ZMAT4: variants seen among roughly 807,000 people sequenced by gnomAD.
ZMAT4 encodes the protein zinc finger matrin-type protein 4.
In ZMAT4, 17 loss-of-function variants were observed where a neutral mutation model predicts 28.7. The ratio of observed to expected loss-of-function variants is 0.59; its 90% CI spans 0.41 to 0.89. The LOEUF is 0.89. ZMAT4 is among the 40% of genes least tolerant of loss of function. The probability of loss-of-function intolerance (pLI) is 0.00; values close to 1 mark genes in which losing one functional copy is unlikely to be tolerated. For missense variants in ZMAT4, 240 were observed against 283.8 expected, an observed-to-expected ratio of 0.85 and a Z score of 1.11; for synonymous variants, 117 against 109.2, an observed-to-expected ratio of 1.07 and a Z score of -0.44.
At chr8:40,679,199 A>G (rs1481208164) in intron 4 of ZMAT4, among the ~76,000 whole-genome samples, 1 of 152,210 alleles carries the variant, frequency 6.6e-6, no homozygotes, top group African/African-American at 2.4e-5. Flanking sequence ...GTCAAGGAGT[A>G]TGTTATCAGC....
At chr8:40,727,707 T>C (rs997328002) in intron 3 of ZMAT4, among the ~76,000 whole-genome samples, 12 of 152,208 alleles carry the variant, frequency 7.9e-5, no homozygotes, top group Non-Finnish European at 1.5e-5. Context: ...GTATAAAGTA[T>C]AGAACTTTTA....
At chr8:40,532,293 C>T in intron 6 of ZMAT4, 55 bp from the exon 7 acceptor site, 1 of 1,524,996 alleles carries the variant, frequency 6.6e-7, no homozygotes, top group Non-Finnish European at 8.9e-7. Flanking sequence ...CAAATTCCAA[C>T]ACCTCTTTCT....
intron 3 of ZMAT4, among the ~76,000 whole-genome samples, chr8:40,744,632 T>G (rs898312367): frequency 6.6e-6 from 1 of 152,130 alleles, no homozygotes; most frequent in African/African-American, 2.4e-5. Flanking sequence ...TCCTCCCCAT[T>G]GAATGATTAA....
chr8:40,870,071 A>G (rs183569591), intron 1 of ZMAT4, among the ~76,000 whole-genome samples: 3 of 152,334 alleles, frequency 2.0e-5, no homozygotes, highest in African/African-American at 7.2e-5. Context: ...CAGACACAGG[A>G]GTAGCTCTGA....
At chr8:40,637,639 A>G (rs1806846990) in intron 5 of ZMAT4, among the ~76,000 whole-genome samples, 1 of 152,324 alleles carries the variant, frequency 6.6e-6, no homozygotes, top group South Asian at 2.1e-4. Context: ...ACAGAATAGA[A>G]AGAGGCACTA....
At chr8:40,786,821 G>A (rs1307689329) in intron 2 of ZMAT4, 3 of 1,061,252 alleles carry the variant, frequency 2.8e-6, no homozygotes, top group Admixed American at 5.0e-5. Flanking sequence ...GCTTACAGAA[G>A]AAAATTGGGA....
At chr8:40,764,264 G>GA (rs10565040) in intron 3 of ZMAT4, among the ~76,000 whole-genome samples, 24 of 151,780 alleles carry the variant, frequency 1.6e-4, no homozygotes, top group African/African-American at 3.9e-4. Context: ...CTTCCAGGGG[G>GA]AAAAAAAATG....
chr8:40,652,491 TA>T (rs1489112456), intron 5 of ZMAT4, among the ~76,000 whole-genome samples: 2 of 33,532 alleles, frequency 6.0e-5, no homozygotes, highest in African/African-American at 1.4e-4. Context: ...GGTGGGACTG[TA>T]AACTAGTTCA....
At chr8:40,698,664 G>A (rs1809998839) in intron 3 of ZMAT4, among the ~76,000 whole-genome samples, 2 of 152,332 alleles carry the variant, frequency 1.3e-5, no homozygotes, top group South Asian at 4.2e-4. Flanking sequence ...CAGACTGCTA[G>A]AGAGAGTGTT....
chr8:40,845,278 A>G (rs939306498), intron 1 of ZMAT4, among the ~76,000 whole-genome samples: 5 of 152,180 alleles, frequency 3.3e-5, no homozygotes, highest in African/African-American at 1.2e-4. Flanking sequence ...AAAAGAAAAA[A>G]AATTTAGGCA....
intron 3 of ZMAT4, among the ~76,000 whole-genome samples, chr8:40,731,936 T>C (rs375107757): frequency 6.6e-6 from 1 of 152,164 alleles, no homozygotes. Flanking sequence ...TGGATGAAAC[T>C]TGTGGACATT....
rs1023313845 is a variant in ZMAT4, at chr8:40,697,534, C to T, written c.193-133G>A. 1.6e-5 allele frequency: 13 copies of T among 796,918 alleles called. No individual in the cohort carries two copies. In the African/African-American group the frequency reaches 2.1e-4, roughly 13 times the overall value. 49.4% of individuals were successfully genotyped at this position (796,918 alleles called of 1,614,324 possible). ...TGCAAGCTGTCTCTCTCTCTTTTTGCCTTGCTTTCTACTCTCTTCTTTTTT... is the reference window on the plus strand; with the variant it reads ...TGCAAGCTGTCTCTCTCTCTTTTTGTCTTGCTTTCTACTCTCTTCTTTTTT... On this transcript the variant is annotated intron_variant, in intron 3 of 6. Coordinates refer to ENST00000297737, the MANE Select transcript of ZMAT4 (RefSeq NM_024645.3).
At chr8:40,714,025 C>G (rs912699010) in intron 3 of ZMAT4, among the ~76,000 whole-genome samples, 1 of 151,242 alleles carries the variant, frequency 6.6e-6, no homozygotes, top group African/African-American at 2.4e-5. Context: ...TACCAGTGAC[C>G]TAAGGAACAT....
Position 40,545,893 on chromosome 8 carries a change from A to C in ZMAT4, c.675-13655T>G, listed in dbSNP as rs967653493. On this transcript the variant is annotated intron_variant, in intron 6 of 6. Transcript: ENST00000297737. ...GCAGGAAAAAAGTAACCAAGGAACAATTTGCTCTAATCCTAGCAGTCCTCT... is the reference window on the plus strand; with the variant it reads ...GCAGGAAAAAAGTAACCAAGGAACACTTTGCTCTAATCCTAGCAGTCCTCT... 2.0e-5 allele frequency among the ~76,000 whole-genome samples: 3 copies of C among 150,588 alleles called. No individual in the cohort carries two copies. In the East Asian group the frequency reaches 5.9e-4, roughly 30 times the overall value.
At chr8:40,889,824 C>T (rs1026277274) in intron 1 of ZMAT4, among the ~76,000 whole-genome samples, 3 of 152,102 alleles carry the variant, frequency 2.0e-5, no homozygotes, top group African/African-American at 7.2e-5. Context: ...TTAATTAGAA[C>T]TATTTTGCAC....
chr8:40,585,505 C>A (rs1804638921), intron 5 of ZMAT4, among the ~76,000 whole-genome samples: 1 of 152,038 alleles, frequency 6.6e-6, no homozygotes, highest in Non-Finnish European at 1.5e-5. Context: ...TCACCATACA[C>A]CTGCACTTTA....
intron 3 of ZMAT4, among the ~76,000 whole-genome samples, chr8:40,763,987 A>C (rs947929700): frequency 2.6e-4 from 37 of 143,062 alleles, no homozygotes; most frequent in African/African-American, 9.5e-4. Flanking sequence ...TATCACACAC[A>C]CAAAAAAAAA....
At chr8:40,789,307 T>C (rs1037151690) in intron 2 of ZMAT4, among the ~76,000 whole-genome samples, 1 of 152,194 alleles carries the variant, frequency 6.6e-6, no homozygotes, top group African/African-American at 2.4e-5. Context: ...AAAGACTGAA[T>C]GTTTTTTCCA....
At chr8:40,700,544 G>C (rs13267186) in intron 3 of ZMAT4, among the ~76,000 whole-genome samples, 6 of 150,320 alleles carry the variant, frequency 4.0e-5, no homozygotes, top group African/African-American at 1.5e-4. Context: ...TCAACCTCCA[G>C]AGTAGCTAGG....
Sources: gnomAD v4.1 joint callset for allele counts (sites outside exome capture counted in the v4.1 genomes callset) on GRCh38, gnomAD v4.1.1 for gene constraint, MANE v1.5 for transcripts, NCBI Gene and HGNC (gene_info 2026-07-23, HGNC 2026-07-21) for gene names.